EPS15L1: variants seen among roughly 807,000 people sequenced by gnomAD.
EPS15L1 encodes epidermal growth factor receptor substrate 15-like 1.
A neutral mutation model predicts 117.1 loss-of-function variants in EPS15L1; 43 were observed. That is an observed-to-expected ratio of 0.37 (90% CI 0.29 to 0.47). EPS15L1 has a LOEUF of 0.47. EPS15L1 is among the 20% of genes least tolerant of loss of function. The probability of loss-of-function intolerance (pLI) is 0.99; values close to 1 mark genes in which losing one functional copy is unlikely to be tolerated. For synonymous variants in EPS15L1, 459 were observed against 470.5 expected, an observed-to-expected ratio of 0.98 and a Z score of 0.32; for missense variants, 981 against 1,164.0, an observed-to-expected ratio of 0.84 and a Z score of 2.29.
At chr19:16,401,581 C>A in intron 16 of EPS15L1, 1 of 985,648 alleles carries the variant, frequency 1.0e-6, no homozygotes, top group Non-Finnish European at 1.2e-6. Context: ...TGGGAAACTA[C>A]ATGTCCCCAG....
chr19:16,424,986 T>C (rs2092854854), intron 9 of EPS15L1, 97 bp downstream of exon 9: 1 of 1,112,018 alleles, frequency 9.0e-7, no homozygotes, highest in Admixed American at 1.8e-5. Flanking sequence ...AGACATTTCA[T>C]CACAAGCTTG....
In EPS15L1 at chr19:16,355,483, G is replaced by C. The variant is rs973862818; in HGVS notation, c.*222C>G. On this transcript the variant is annotated 3_prime_UTR_variant, in exon 24 of 24. Transcript: ENST00000455140. The stretch of plus-strand genomic sequence containing the variant: ...GCCCCGGGGGGGATGGCACAGTGGA[G>C]AGACGGACCTGCAGAAGTGGTGGCC... 1 of 554,562 alleles carries C rather than the reference G, an allele frequency of 1.8e-6. No individual in the cohort carries two copies. The highest frequency in any genetic ancestry group is 1.9e-5 in the African/African-American group (1 of 53,342). 34.4% of individuals were successfully genotyped at this position (554,562 alleles called of 1,614,324 possible). A position where few individuals can be genotyped will look rare whatever the true frequency, so the allele number is the denominator to read the frequency against.
rs952537721 is a variant in EPS15L1, at chr19:16,370,185, C to G, written c.2380+6937G>C. ...TCCCATGGTGGGGGACACTTTTGCTCTCTTTATGGCCAGATTCCCCATTGC... is the reference window on the plus strand; with the variant it reads ...TCCCATGGTGGGGGACACTTTTGCTGTCTTTATGGCCAGATTCCCCATTGC... On this transcript the variant is annotated intron_variant, in intron 22 of 23. Coordinates refer to ENST00000455140, the MANE Select transcript of EPS15L1 (RefSeq NM_001258374.3). This position sits in a 1 kb window ranked among gnomAD's most constrained non-coding sequence, Gnocchi z 5.2. Among the ~76,000 whole-genome samples the G allele has an allele frequency of 1.3e-5, 2 of 152,176 alleles. No homozygotes were observed. Among genetic ancestry groups the G allele is most frequent in the African/African-American group, 2.4e-5 (1 of 41,434 alleles).
Position 16,437,766 on chromosome 19 carries a change from TCA to T in EPS15L1, c.309+2_309+3del. On this transcript the variant is annotated splice_donor_variant and splice_donor_region_variant and intron_variant, in intron 5 of 23. Transcript: ENST00000455140. LOFTEE classifies it high-confidence loss of function. ...ATGTGAACTTGAAGGACTTGGACAC[TCA>T]CAAATTTAGGCGGTGGCATGCTCAA... 6.2e-7 allele frequency: 1 copy of T among 1,612,434 alleles called. No individual in the cohort carries two copies. The highest frequency in any genetic ancestry group is 8.5e-7 in the Non-Finnish European group (1 of 1,178,574).
At position 16,392,451 on chromosome 19, in the gene EPS15L1, A is replaced by G. The variant is rs1434513059; in HGVS notation, c.1967-11T>C. On this transcript the variant is annotated splice_polypyrimidine_tract_variant and intron_variant, in intron 18 of 23. Transcript: ENST00000455140. ...CCCCTCCAAATGGATCTAGAAGGAA[A>G]AATGCCCCATAAGTAAACATTATAC... 6.2e-7 allele frequency: 1 copy of G among 1,613,632 alleles called. No individual in the cohort carries two copies.
chr19:16,376,507 C>A (rs972892543), intron 22 of EPS15L1, among the ~76,000 whole-genome samples: 1 of 152,166 alleles, frequency 6.6e-6, no homozygotes, highest in Admixed American at 6.5e-5. Flanking sequence ...TGTAGGAAGT[C>A]CCCTCCTCAG....
intron 10 of EPS15L1, among the ~76,000 whole-genome samples, chr19:16,419,080 A>C (rs2092789368): frequency 2.6e-5 from 4 of 152,240 alleles, no homozygotes. Context: ...GGATGTCCTG[A>C]AAGATGGGCC....
intron 9 of EPS15L1, among the ~76,000 whole-genome samples, chr19:16,423,466 AG>A (rs2092837246): frequency 6.6e-6 from 1 of 152,078 alleles, no homozygotes; most frequent in South Asian, 2.1e-4. Context: ...GCTACTAGGG[AG>A]GCTGAGGTGG....
intron 1 of EPS15L1, among the ~76,000 whole-genome samples, chr19:16,470,300 T>A (rs1450860548): frequency 6.6e-6 from 1 of 151,330 alleles, no homozygotes; most frequent in African/African-American, 2.4e-5. Context: ...GGCAGGAGAA[T>A]CACTTGAACT....
intron 1 of EPS15L1, among the ~76,000 whole-genome samples, chr19:16,460,368 A>C (rs2093237131): frequency 1.3e-5 from 2 of 152,250 alleles, no homozygotes; most frequent in African/African-American, 2.4e-5. Flanking sequence ...ACAGCAGATA[A>C]GTACACACCT....
intron 22 of EPS15L1, 150 bp downstream of exon 22, chr19:16,376,972 C>G (rs2092304001): frequency 3.0e-6 from 3 of 1,013,734 alleles, no homozygotes; most frequent in East Asian, 2.7e-5. Context: ...CTTGCGTGGA[C>G]CTGGGCAGCT....
chr19:16,361,704 A>G (rs1188552394), intron 23 of EPS15L1, 75 bp downstream of exon 23: 1 of 1,510,962 alleles, frequency 6.6e-7, no homozygotes, highest in Non-Finnish European at 8.9e-7. Context: ...TTTGCCTTTA[A>G]AAGGAGACAA....
intron 22 of EPS15L1, among the ~76,000 whole-genome samples, chr19:16,369,140 T>C (rs980848924): frequency 6.6e-6 from 1 of 151,736 alleles, no homozygotes; most frequent in Non-Finnish European, 1.5e-5. Context: ...ATGAGGGGAG[T>C]TTGTTTTTTA....
At chr19:16,377,279 G>A in intron 21 of EPS15L1, 25 bp from the exon 22 acceptor site, 1 of 1,604,438 alleles carries the variant, frequency 6.2e-7, no homozygotes. Flanking sequence ...ATGAAAGAGA[G>A]GCAAAAATAG....
intron 22 of EPS15L1, among the ~76,000 whole-genome samples, chr19:16,375,193 C>T (rs2092279117): frequency 1.3e-5 from 2 of 152,244 alleles, no homozygotes; most frequent in Admixed American, 1.3e-4. Context: ...TGTGTGCCTG[C>T]ATATGCGTAC....
At chr19:16,436,126 A>G (rs927093420) in intron 6 of EPS15L1, among the ~76,000 whole-genome samples, 1 of 152,198 alleles carries the variant, frequency 6.6e-6, no homozygotes, top group Non-Finnish European at 1.5e-5. Flanking sequence ...CTCCCTGCAC[A>G]GATACCCCCA....
chr19:16,427,054 G>C (rs143012439), intron 8 of EPS15L1, among the ~76,000 whole-genome samples: 2,947 of 152,170 alleles, frequency 0.019, 43 homozygotes, highest in Non-Finnish European at 0.033. Context: ...GGAAAACTTC[G>C]TGCAGCAGTG....
At position 16,385,131 on chromosome 19, in the gene EPS15L1, T is replaced by G; in HGVS notation, c.2245A>C (p.Lys749Gln). The change falls in exon 21 of 24, where the codon AAG (lysine) becomes CAG (glutamine). Residue 749 changes from lysine (K) to glutamine (Q), a missense_variant and splice_region_variant. Coordinates refer to ENST00000455140, the MANE Select transcript of EPS15L1 (RefSeq NM_001258374.3). ...EGFADFSQMS[K>Q]PPPSGPFTSS... ...GGGGCTCCGTGGAGGGGCTTTACCT[T>G]GGACATCTGGCTGAAGTCGGCAAAG... 1 of 1,613,722 alleles carries G rather than the reference T, an allele frequency of 6.2e-7. No individual in the cohort carries two copies. Among genetic ancestry groups the G allele is most frequent in the Non-Finnish European group, 8.5e-7 (1 of 1,179,660 alleles).
chr19:16,385,268 G>A, intron 20 of EPS15L1, 57 bp from the exon 21 acceptor site: 4 of 1,427,978 alleles, frequency 2.8e-6, no homozygotes, highest in South Asian at 1.1e-5. Flanking sequence ...CATGCCTTCT[G>A]GGGTGGAGGG....
Sources: gnomAD v4.1 joint callset for allele counts (sites outside exome capture counted in the v4.1 genomes callset) on GRCh38, gnomAD v4.1.1 for gene constraint, Gnocchi (gnomAD v3.1) non-coding constraint, MANE v1.5 for transcripts, NCBI Gene and HGNC (gene_info 2026-07-23, HGNC 2026-07-21) for gene names.